Variants in RASA1 observed in about 807,000 individuals in gnomAD.
The protein encoded by RASA1 is ras GTPase-activating protein 1.
RASA1 carries 25 observed loss-of-function variants against 132.2 expected under a neutral mutation model. That is an observed-to-expected ratio of 0.19 (90% CI 0.14 to 0.26). The LOEUF is 0.26. Ranked by LOEUF, RASA1 falls within the 10% of genes least tolerant of loss-of-function variation. RASA1 has a pLI of 1.00. For missense variants in RASA1, 964 were observed against 1,299.2 expected (o/e 0.74, Z 3.97); for synonymous variants, 477 against 449.9 (o/e 1.06, Z -0.76).
intron 1 of RASA1, among the ~76,000 whole-genome samples, chr5:87,309,681 A>G (rs974643233): frequency 6.6e-6 from 1 of 152,086 alleles, no homozygotes; most frequent in Non-Finnish European, 1.5e-5. Flanking sequence ...TGTACTGTCA[A>G]ATCTCAGTCT....
At chr5:87,284,571 G>T (rs1754460911) in intron 1 of RASA1, among the ~76,000 whole-genome samples, 1 of 152,170 alleles carries the variant, frequency 6.6e-6, no homozygotes, top group Non-Finnish European at 1.5e-5. Flanking sequence ...AGACTTAGGG[G>T]ACACTGCAAT....
chr5:87,388,467 T>C (rs1245935912), intron 23 of RASA1, among the ~76,000 whole-genome samples: 1 of 152,162 alleles, frequency 6.6e-6, no homozygotes, highest in Non-Finnish European at 1.5e-5. Context: ...CAACAGGAAA[T>C]GCTATTTGGA....
chr5:87,331,374 C>G lies in RASA1; in HGVS notation c.566C>G (p.Thr189Arg). The G allele has an allele frequency of 6.2e-7, 1 of 1,611,802 alleles. No individual in the cohort carries two copies. Among genetic ancestry groups the G allele is most frequent in the Non-Finnish European group, 8.5e-7 (1 of 1,178,008 alleles). ...NQWYHGKLDR[T>R]IAEERLRQAG... is the part of the protein sequence containing the mutation. ...TGGTATCACGGAAAACTTGACAGAA[C>G]GATAGCAGAAGAACGCCTCAGGCAG... The change falls in exon 2 of 25, where the codon ACG becomes AGG. Residue 189 changes from threonine (T) to arginine (R), a missense_variant. Thr to Arg is a moderately conservative substitution (Grantham distance 71). Transcript: ENST00000274376.
rs530140560 is a variant in RASA1 at position 87,353,376 on chromosome 5, A to G, written c.1332+141A>G. 1.2e-4 allele frequency: 93 copies of G among 750,750 alleles called. No homozygotes were observed. In the East Asian group the frequency reaches 2.2e-3, roughly 17 times the overall value. The allele number at this position is 750,750 out of a possible 1,614,324, so 46.5% of individuals were successfully genotyped here. A position where few individuals can be genotyped will look rare whatever the true frequency, so the allele number is the denominator to read the frequency against. On this transcript the variant is annotated intron_variant, in intron 9 of 24. Transcript: ENST00000274376. Reference sequence around the variant, plus strand: ...TTATTTAGATTTTTTTAGAAAGTCAACTGTAAGAATCTTTTAGTTTTTATC... The same window carrying G: ...TTATTTAGATTTTTTTAGAAAGTCAGCTGTAAGAATCTTTTAGTTTTTATC...
At chr5:87,390,474 TA>T (rs1762422147) in intron 24 of RASA1, among the ~76,000 whole-genome samples, 1 of 151,546 alleles carries the variant, frequency 6.6e-6, no homozygotes, top group South Asian at 2.1e-4. Flanking sequence ...TGACTTGCCT[TA>T]GATATTAAAT....
intron 1 of RASA1, among the ~76,000 whole-genome samples, chr5:87,304,991 G>T (rs1470624537): frequency 4.2e-5 from 1 of 23,654 alleles, no homozygotes; most frequent in Non-Finnish European, 8.0e-5. Context: ...AATATACTTT[G>T]TATTTATCTG....
At chr5:87,365,306 A>C (rs1383632243) in intron 11 of RASA1, among the ~76,000 whole-genome samples, 2 of 152,140 alleles carry the variant, frequency 1.3e-5, no homozygotes, top group Non-Finnish European at 2.9e-5. Context: ...AACTGTTCTA[A>C]TTCATTATTT....
At chr5:87,288,534 A>G (rs1754779002) in intron 1 of RASA1, among the ~76,000 whole-genome samples, 1 of 152,140 alleles carries the variant, frequency 6.6e-6, no homozygotes, top group South Asian at 2.1e-4. Flanking sequence ...TAGGGATTGT[A>G]GCAAACGATG....
At chr5:87,287,708 ACACGC>A (rs1191737905) in intron 1 of RASA1, among the ~76,000 whole-genome samples, 1 of 82,886 alleles carries the variant, frequency 1.2e-5, no homozygotes, top group African/African-American at 4.7e-5. Context: ...CCATATATGT[ACACGC>A]CATAGATATA....
At chr5:87,305,177 T>G (rs1339641334) in intron 1 of RASA1, among the ~76,000 whole-genome samples, 1 of 152,072 alleles carries the variant, frequency 6.6e-6, no homozygotes, top group Non-Finnish European at 1.5e-5. Context: ...GTCTTTCTGT[T>G]TTGACTACTT....
chr5:87,362,424 T>G, intron 9 of RASA1, 127 bp from the exon 10 acceptor site: 1 of 859,348 alleles, frequency 1.2e-6, no homozygotes, highest in East Asian at 2.7e-5. Flanking sequence ...AAAAGATCAT[T>G]TATGTGTTAT....
At chr5:87,351,873 A>G (rs1759305703) in intron 8 of RASA1, among the ~76,000 whole-genome samples, 1 of 151,810 alleles carries the variant, frequency 6.6e-6, no homozygotes, top group South Asian at 2.1e-4. Flanking sequence ...AAACAATTAT[A>G]TTGTAACATT....
At position 87,362,581 on chromosome 5, in the gene RASA1, G is replaced by A. The variant is rs2112456602; in HGVS notation, c.1363G>A (p.Asp455Asn). ...DQEQVLNDTV[D>N]GKEIYNTIRR... ...AGAACAAGTACTCAATGACACAGTG[G>A]ATGGCAAGGAAATCTATAATACCAT... The change falls in exon 10 of 25, where the codon GAT becomes AAT. Residue 455 changes from aspartate to asparagine, a missense_variant. Asp to Asn is a conservative substitution (Grantham distance 23, BLOSUM62 1). Coordinates refer to ENST00000274376, the MANE Select transcript of RASA1 (RefSeq NM_002890.3). 1 of 1,596,102 alleles carries A rather than the reference G, an allele frequency of 6.3e-7. No homozygotes were observed. Among genetic ancestry groups the A allele is most frequent in the Middle Eastern group, 1.7e-4 (1 of 5,964 alleles).
rs555378736 is a variant in RASA1 at position 87,300,163 on chromosome 5, A to G, written c.539+31173A>G. Among the ~76,000 whole-genome samples the G allele has an allele frequency of 2.8e-4, 42 of 152,250 alleles. No homozygotes were observed. In the East Asian group the frequency reaches 6.8e-3, roughly 25 times the overall value. On this transcript the variant is annotated intron_variant, in intron 1 of 24. Coordinates refer to ENST00000274376, the MANE Select transcript of RASA1 (RefSeq NM_002890.3). ...GGAGAGAGGATTGCATGAGCCCGGGAGTTAGAGACCAAACCGAGCAACATA... is the reference window on the plus strand; with the variant it reads ...GGAGAGAGGATTGCATGAGCCCGGGGGTTAGAGACCAAACCGAGCAACATA...
intron 4 of RASA1, among the ~76,000 whole-genome samples, chr5:87,335,327 A>AT (rs1757885242): frequency 6.6e-6 from 1 of 151,704 alleles, no homozygotes; most frequent in South Asian, 2.1e-4. Context: ...AAAAATTTGA[A>AT]TTTTAGACAT....
intron 1 of RASA1, among the ~76,000 whole-genome samples, chr5:87,322,080 G>C (rs1756860844): frequency 6.6e-6 from 1 of 152,144 alleles, no homozygotes; most frequent in African/African-American, 2.4e-5. Flanking sequence ...GTGGGTGTTT[G>C]GATCATAAAG....
At chr5:87,344,951 C>T (rs1758746767) in intron 6 of RASA1, among the ~76,000 whole-genome samples, 1 of 152,088 alleles carries the variant, frequency 6.6e-6, no homozygotes, top group African/African-American at 2.4e-5. Context: ...TATTGGTACC[C>T]TTCTCTGTTA....
Position 87,268,235 on chromosome 5 carries a change from T to C in RASA1, c.-217T>C. The C allele has an allele frequency of 3.1e-6, 2 of 649,540 alleles. No individual in the cohort carries two copies. The highest frequency in any genetic ancestry group is 5.1e-6 in the Non-Finnish European group (2 of 393,444). The allele number at this position is 649,540 out of a possible 1,614,324, so 40.2% of individuals were successfully genotyped here. ...TGGCGTTTGTGCAGGCGTTGGGTTT[T>C]TTGCCCACTTGGCTTCCCGTAACCC... On this transcript the variant is annotated 5_prime_UTR_variant, in exon 1 of 25. Transcript: ENST00000274376.
chr5:87,362,163 C>T (rs1334143280), intron 9 of RASA1, among the ~76,000 whole-genome samples: 1 of 152,194 alleles, frequency 6.6e-6, no homozygotes, highest in East Asian at 1.9e-4. Flanking sequence ...TGTGCATAGG[C>T]AAACATGAAT....
Sources: allele counts gnomAD v4.1 joint callset (sites outside exome capture counted in the v4.1 genomes callset), GRCh38; gene constraint gnomAD v4.1.1; transcripts MANE v1.5; gene names NCBI Gene and HGNC (gene_info 2026-07-23, HGNC 2026-07-21).